RNF141: variants seen among roughly 807,000 people sequenced by gnomAD.
RNF141 encodes the protein C3HC4-like zinc finger protein.
A neutral mutation model predicts 27.4 loss-of-function variants in RNF141; 18 were observed. The ratio of observed to expected loss-of-function variants is 0.66; its 90% CI spans 0.45 to 0.97. The LOEUF (loss-of-function observed/expected upper bound fraction) is 0.97, where lower values mean the gene tolerates loss of function less well. Ranked by LOEUF, RNF141 falls within the 50% of genes least tolerant of loss-of-function variation. The probability of loss-of-function intolerance (pLI) is 0.00; values close to 1 mark genes in which losing one functional copy is unlikely to be tolerated. For synonymous variants in RNF141, 97 were observed against 96.6 expected (o/e 1.00, Z -0.02); for missense variants, 230 against 279.4 (o/e 0.82, Z 1.26).
intron 2 of RNF141, among the ~76,000 whole-genome samples, chr11:10,532,778 T>C (rs1250728405): frequency 6.6e-6 from 1 of 152,216 alleles, no homozygotes; most frequent in Non-Finnish European, 1.5e-5. Flanking sequence ...TGGGTTCATA[T>C]ATCTTACCTT....
intron 1 of RNF141, among the ~76,000 whole-genome samples, chr11:10,539,313 C>T (rs535053159): frequency 5.4e-4 from 82 of 152,140 alleles, no homozygotes; most frequent in African/African-American, 1.9e-3. Flanking sequence ...ATGGAAAAGG[C>T]TGAAAATGCA....
chr11:10,538,244 G>A (rs1045583883), intron 1 of RNF141, among the ~76,000 whole-genome samples: 1 of 152,192 alleles, frequency 6.6e-6, no homozygotes, highest in African/African-American at 2.4e-5. Flanking sequence ...GCATTAAAAT[G>A]CAACAGTATC....
At chr11:10,517,818 A>G (rs1849854624) in intron 5 of RNF141, 1 of 152,208 alleles carries the variant, frequency 6.6e-6, no homozygotes, top group Admixed American at 6.5e-5. Flanking sequence ...ATCTACAAAA[A>G]TACTACCAGA....
chr11:10,527,791 T>A (rs1326491103), intron 3 of RNF141, among the ~76,000 whole-genome samples: 1 of 152,010 alleles, frequency 6.6e-6, no homozygotes, highest in Non-Finnish European at 1.5e-5. Context: ...GGGAGATCAG[T>A]TAGGAGGCTA....
At chr11:10,519,694 G>A (rs2133966469) in intron 4 of RNF141, among the ~76,000 whole-genome samples, 1 of 129,170 alleles carries the variant, frequency 7.7e-6, no homozygotes, top group South Asian at 2.4e-4. Context: ...GTAACACAAT[G>A]GTAGGTATCT....
chr11:10,526,608 C>A (rs1267525212), intron 3 of RNF141, among the ~76,000 whole-genome samples: 1 of 151,748 alleles, frequency 6.6e-6, no homozygotes, highest in Non-Finnish European at 1.5e-5. Context: ...ACGGTGAAAC[C>A]CCATCTCTAC....
chr11:10,524,115 A>G (rs1051349342), intron 4 of RNF141, among the ~76,000 whole-genome samples: 2 of 151,462 alleles, frequency 1.3e-5, no homozygotes, highest in East Asian at 1.9e-4. Context: ...ATAGAGCAGT[A>G]AAAAAAAAGA....
intron 5 of RNF141, 94 bp from the exon 6 acceptor site, chr11:10,515,160 G>C: frequency 7.4e-7 from 1 of 1,344,460 alleles, no homozygotes; most frequent in Non-Finnish European, 1.0e-6. Context: ...TTTTAAAAAG[G>C]AAATAGCATA....
Position 10,534,093 on chromosome 11 carries a change from T to A in RNF141, c.66A>T (p.Lys22Asn), listed in dbSNP as rs748033790. 4 of 1,613,698 alleles carry A rather than the reference T, an allele frequency of 2.5e-6. No homozygotes were observed. The highest frequency in any genetic ancestry group is 1.1e-5 in the South Asian group (1 of 91,060). Residue 22 changes from lysine to asparagine, a missense_variant, in exon 2 of 6, where the codon AAA becomes AAT. Lys to Asn is a moderately conservative substitution (Grantham distance 94). Coordinates refer to ENST00000265981, the MANE Select transcript of RNF141 (RefSeq NM_016422.4). The stretch of plus-strand genomic sequence containing the variant: ...CACTCTCTCGAACCAACGTAACATG[T>A]TTTGCTACTTTTTCTGGTAACTTGT... ...VINKLPEKVA[K>N]HVTLVRESGS...
intron 1 of RNF141, among the ~76,000 whole-genome samples, chr11:10,537,699 T>C (rs1850050626): frequency 6.6e-6 from 1 of 152,158 alleles, no homozygotes; most frequent in Admixed American, 6.5e-5. Context: ...AAAGCTTACA[T>C]AGTAGATTGG....
At chr11:10,527,645 C>CGGG (rs55785645) in intron 3 of RNF141, among the ~76,000 whole-genome samples, 2 of 150,988 alleles carry the variant, frequency 1.3e-5, no homozygotes, top group South Asian at 2.1e-4. Flanking sequence ...TGAGAAGTCA[C>CGGG]GGGGGGGGGT....
intron 5 of RNF141, chr11:10,516,920 T>C (rs572162834): frequency 6.6e-6 from 1 of 152,204 alleles, no homozygotes; most frequent in African/African-American, 2.4e-5. Flanking sequence ...AGAATATTCA[T>C]AGGAATACAA....
At position 10,534,144 on chromosome 11, in the gene RNF141, A is replaced by C. The variant is rs1423676597; in HGVS notation, c.15T>G (p.Ile5Met). The C allele has an allele frequency of 3.7e-6, 6 of 1,613,002 alleles. No individual in the cohort carries two copies. The highest frequency in any genetic ancestry group is 4.2e-6 in the Non-Finnish European group (5 of 1,179,466). ...TAATAACCAACTGTGTCTGATCCGA[A>C]ATTTGCTGTCCCATGATGAAAAGAT... MGQQISDQTQLVINK... is the reference protein window; with the variant it reads MGQQMSDQTQLVINK... Residue 5 changes from isoleucine to methionine, a missense_variant, in exon 2 of 6, where the codon ATT (isoleucine) becomes ATG (methionine). Coordinates refer to ENST00000265981, the MANE Select transcript of RNF141 (RefSeq NM_016422.4).
intron 3 of RNF141, among the ~76,000 whole-genome samples, chr11:10,528,899 T>C (rs1849962417): frequency 6.6e-6 from 1 of 152,174 alleles, no homozygotes; most frequent in African/African-American, 2.4e-5. Flanking sequence ...AAACAACTTT[T>C]TTCGTAATGC....
At position 10,519,131 on chromosome 11, in the gene RNF141, G is replaced by C; in HGVS notation, c.445C>G (p.Leu149Val). 1.2e-6 allele frequency: 2 copies of C among 1,613,556 alleles called. No individual in the cohort carries two copies. Among genetic ancestry groups the C allele is most frequent in the South Asian group, 2.2e-5 (2 of 91,066 alleles). ...ATACAACACTCCTCCTCATCGGTCA[G>C]CTGCTTCACCCTGCAATGTGAAAAC... is the stretch of plus-strand genomic sequence containing the variant. ...ASLWMGRVKQ[L>V]TDEEECCICM... Residue 149 changes from leucine (L) to valine (V), a missense_variant, in exon 5 of 6, where the codon CTG becomes GTG. Physicochemically the swap from Leu to Val is conservative, Grantham distance 32. Coordinates refer to ENST00000265981, the MANE Select transcript of RNF141 (RefSeq NM_016422.4).
chr11:10,533,257 G>A (rs1349151361), intron 2 of RNF141, among the ~76,000 whole-genome samples: 1 of 152,050 alleles, frequency 6.6e-6, no homozygotes, highest in Non-Finnish European at 1.5e-5. Flanking sequence ...GGGGCATTCA[G>A]GAACAAAGAG....
rs1027804517 is a variant in RNF141 at position 10,513,060 on chromosome 11, A to T, written c.*1856T>A. 2 of 152,258 alleles carry T rather than the reference A, an allele frequency of 1.3e-5. No homozygotes were observed. Among genetic ancestry groups the T allele is most frequent in the African/African-American group, 4.8e-5 (2 of 41,470 alleles). 9.4% of individuals were successfully genotyped at this position (152,258 alleles called of 1,614,324 possible). On this transcript the variant is annotated 3_prime_UTR_variant, in exon 6 of 6. Transcript: ENST00000265981. Reference sequence around the variant, plus strand: ...CTCAGTTTCTAAAGTAAGAACACATAAACAAGAGTAAGAGACTTTCTCAAG... The same window carrying T: ...CTCAGTTTCTAAAGTAAGAACACATTAACAAGAGTAAGAGACTTTCTCAAG...
At chr11:10,532,969 A>T (rs1361780818) in intron 2 of RNF141, among the ~76,000 whole-genome samples, 1 of 152,220 alleles carries the variant, frequency 6.6e-6, no homozygotes, top group Non-Finnish European at 1.5e-5. Flanking sequence ...CCCTCAGTTA[A>T]AAGGTCCAAT....
intron 5 of RNF141, chr11:10,517,006 C>T (rs1591495872): frequency 6.6e-6 from 1 of 151,818 alleles, no homozygotes; most frequent in African/African-American, 2.4e-5. Context: ...AACTACCAGA[C>T]ATACAAAAAA....
Sources: allele counts gnomAD v4.1 joint callset (sites outside exome capture counted in the v4.1 genomes callset), GRCh38; gene constraint gnomAD v4.1.1; transcripts MANE v1.5; gene names NCBI Gene and HGNC (gene_info 2026-07-23, HGNC 2026-07-21).